Variants in KCNQ5 observed in about 807,000 individuals in gnomAD.
The protein encoded by KCNQ5 is potassium voltage-gated channel subfamily Q member 5, also known as potassium voltage-gated channel subfamily KQT member 5.
A neutral mutation model predicts 98.2 loss-of-function variants in KCNQ5; 30 were observed. The ratio of observed to expected loss-of-function variants is 0.31; its 90% CI spans 0.23 to 0.41. The LOEUF (loss-of-function observed/expected upper bound fraction) is 0.41. Ranked by LOEUF, KCNQ5 falls within the 10% of genes least tolerant of loss-of-function variation. The pLI, the probability that KCNQ5 is intolerant of heterozygous loss-of-function variation, is 1.00. For synonymous variants in KCNQ5, 458 were observed against 449.4 expected, an observed-to-expected ratio of 1.02 and a Z score of -0.24; for missense variants, 835 against 1,182.5, an observed-to-expected ratio of 0.71 and a Z score of 4.31.
intron 1 of KCNQ5, among the ~76,000 whole-genome samples, chr6:72,688,657 A>G (rs575731844): frequency 1.6e-4 from 25 of 152,322 alleles, no homozygotes; most frequent in South Asian, 4.2e-4. Flanking sequence ...GTATATACGG[A>G]GTATGGTCAT....
At chr6:73,079,947 T>G (rs1388365508) in intron 5 of KCNQ5, among the ~76,000 whole-genome samples, 1 of 152,260 alleles carries the variant, frequency 6.6e-6, no homozygotes, top group African/African-American at 2.4e-5. Flanking sequence ...TGGATAATTC[T>G]AATGTATTTG....
chr6:73,145,695 A>C (rs979549731), intron 10 of KCNQ5, among the ~76,000 whole-genome samples: 2 of 152,208 alleles, frequency 1.3e-5, no homozygotes, highest in Admixed American at 1.3e-4. Flanking sequence ...TATTACTGCT[A>C]GCTGAATAAG....
At chr6:73,191,419 A>G (rs1238287707) in intron 12 of KCNQ5, among the ~76,000 whole-genome samples, 2 of 152,200 alleles carry the variant, frequency 1.3e-5, no homozygotes, top group Non-Finnish European at 1.5e-5. Flanking sequence ...TGAATTCCAC[A>G]TGTTAATTCC....
intron 1 of KCNQ5, among the ~76,000 whole-genome samples, chr6:72,781,092 G>A (rs1470016284): frequency 1.3e-5 from 2 of 152,166 alleles, no homozygotes; most frequent in Non-Finnish European, 2.9e-5. Flanking sequence ...TAGAGTCTTT[G>A]TGGATGTAAT....
intron 1 of KCNQ5, among the ~76,000 whole-genome samples, chr6:72,645,963 G>A (rs923284604): frequency 3.3e-5 from 5 of 152,004 alleles, no homozygotes; most frequent in African/African-American, 1.2e-4. Flanking sequence ...CTTCCCCCCA[G>A]GTACTTCATG....
At chr6:72,987,584 C>T (rs1382171038) in intron 1 of KCNQ5, 2 of 622,830 alleles carry the variant, frequency 3.2e-6, no homozygotes, top group East Asian at 3.7e-5. Flanking sequence ...AGCAAGAAGG[C>T]GGCCGACAGC....
At chr6:73,013,890 C>T (rs1770195977) in intron 2 of KCNQ5, among the ~76,000 whole-genome samples, 1 of 152,116 alleles carries the variant, frequency 6.6e-6, no homozygotes, top group Admixed American at 6.5e-5. Context: ...TTCCACTTAC[C>T]AAGTTATCAC....
chr6:73,112,858 T>C (rs1368856615), intron 7 of KCNQ5, among the ~76,000 whole-genome samples: 1 of 152,190 alleles, frequency 6.6e-6, no homozygotes, highest in Admixed American at 6.5e-5. Context: ...GATATTAATT[T>C]TTAAATCAAG....
At chr6:72,742,835 T>A (rs16882793) in intron 1 of KCNQ5, among the ~76,000 whole-genome samples, 6,385 of 152,220 alleles carry the variant, frequency 0.042, 421 homozygotes, top group African/African-American at 0.14. Flanking sequence ...ATGTACCCAA[T>A]AGAATGCAGC....
rs999482451 is a variant in KCNQ5, at chr6:73,035,934, G to C, written c.490-6002G>C. On this transcript the variant is annotated intron_variant, in intron 2 of 13. Transcript: ENST00000370398. ...ATATCACAACCAGGATAATAATATT[G>C]ATACAGCTCACAAATCTCATTCAGA... 3.3e-5 allele frequency among the ~76,000 whole-genome samples: 5 copies of C among 150,924 alleles called. No homozygotes were observed. In the South Asian group the frequency reaches 1.0e-3, roughly 32 times the overall value.
At chr6:72,878,209 G>A (rs535555166) in intron 1 of KCNQ5, among the ~76,000 whole-genome samples, 1 of 152,210 alleles carries the variant, frequency 6.6e-6, no homozygotes, top group African/African-American at 2.4e-5. Flanking sequence ...GGCAGAGGTT[G>A]CAGTGAGCCG....
intron 1 of KCNQ5, among the ~76,000 whole-genome samples, chr6:72,695,752 G>A (rs763635768): frequency 7.2e-5 from 11 of 152,030 alleles, no homozygotes; most frequent in Non-Finnish European, 1.2e-4. Context: ...TACTTAAATT[G>A]TTTCATTCAA....
chr6:73,085,488 G>A (rs1411985823), intron 5 of KCNQ5, among the ~76,000 whole-genome samples: 1 of 152,224 alleles, frequency 6.6e-6, no homozygotes, highest in African/African-American at 2.4e-5. Context: ...TTTGAAATCA[G>A]AGGGGAGAAA....
Position 73,198,315 on chromosome 6 carries a change from T to G in KCNQ5, c.*2901T>G, listed in dbSNP as rs1181536042. ...ATGTTTGCATTTTGTTCAACTAAAT[T>G]AATATTTGTAGATTGCAAGTTTTGT... On this transcript the variant is annotated 3_prime_UTR_variant, in exon 14 of 14. Transcript: ENST00000370398. 1.3e-5 allele frequency: 2 copies of G among 152,244 alleles called. No individual in the cohort carries two copies. The highest frequency in any genetic ancestry group is 2.4e-5 in the African/African-American group (1 of 41,480). 9.4% of individuals were successfully genotyped at this position (152,244 alleles called of 1,614,324 possible).
chr6:73,068,596 G>A (rs1243151483), intron 3 of KCNQ5, among the ~76,000 whole-genome samples: 1 of 152,066 alleles, frequency 6.6e-6, no homozygotes, highest in African/African-American at 2.4e-5. Context: ...AGAAACTGAG[G>A]CACAGAAAGA....
chr6:73,131,369 T>A (rs1444731862), intron 9 of KCNQ5, among the ~76,000 whole-genome samples: 1 of 152,144 alleles, frequency 6.6e-6, no homozygotes, highest in East Asian at 1.9e-4. Context: ...TGATATTAAC[T>A]AAAACCAACC....
intron 10 of KCNQ5, among the ~76,000 whole-genome samples, chr6:73,160,623 G>A (rs1041417013): frequency 2.0e-5 from 3 of 152,164 alleles, no homozygotes; most frequent in African/African-American, 7.2e-5. Flanking sequence ...TGTCTTGTGA[G>A]GCACGTATGT....
chr6:72,870,526 C>T (rs2150161827), intron 1 of KCNQ5, among the ~76,000 whole-genome samples: 1 of 152,248 alleles, frequency 6.6e-6, no homozygotes, highest in African/African-American at 2.4e-5. Flanking sequence ...GCTGGAATTA[C>T]AAGTGTGAGC....
chr6:73,052,502 A>G (rs554343974), intron 3 of KCNQ5, among the ~76,000 whole-genome samples: 4 of 152,286 alleles, frequency 2.6e-5, no homozygotes, highest in East Asian at 3.9e-4. Flanking sequence ...GGGGCAGGCC[A>G]CCTCCCAAGG....
Sources: gnomAD v4.1 joint callset for allele counts (sites outside exome capture counted in the v4.1 genomes callset) on GRCh38, gnomAD v4.1.1 for gene constraint, MANE v1.5 for transcripts, NCBI Gene and HGNC (gene_info 2026-07-23, HGNC 2026-07-21) for gene names.